DPYS: variants seen among roughly 807,000 people sequenced by gnomAD.
DPYS encodes the protein dihydropyrimidine amidohydrolase.
Under a neutral mutation model 50.3 loss-of-function variants are expected in DPYS, and 39 were observed. The ratio of observed to expected loss-of-function variants is 0.78; its 90% CI spans 0.60 to 1.01. The LOEUF (loss-of-function observed/expected upper bound fraction) is 1.01. DPYS is among the 50% of genes least tolerant of loss of function. The probability of loss-of-function intolerance (pLI) is 0.00; values close to 1 mark genes in which losing one functional copy is unlikely to be tolerated. For missense variants in DPYS, 659 were observed against 680.9 expected, an observed-to-expected ratio of 0.97 and a Z score of 0.36; for synonymous variants, 245 against 250.7, an observed-to-expected ratio of 0.98 and a Z score of 0.22.
chr8:104,452,997 A>C (rs1813804525), intron 1 of DPYS, among the ~76,000 whole-genome samples: 2 of 152,142 alleles, frequency 1.3e-5, no homozygotes, highest in Non-Finnish European at 2.9e-5. Context: ...ATGTTACAAC[A>C]CAGGAGGGGG....
At chr8:104,429,946 A>G (rs1342082489) in intron 4 of DPYS, among the ~76,000 whole-genome samples, 1 of 152,224 alleles carries the variant, frequency 6.6e-6, no homozygotes, top group African/African-American at 2.4e-5. Context: ...TTATGGCCAT[A>G]TAACCTAGAA....
intron 7 of DPYS, among the ~76,000 whole-genome samples, chr8:104,403,314 T>C (rs1811885606): frequency 6.6e-6 from 1 of 152,232 alleles, no homozygotes; most frequent in African/African-American, 2.4e-5. Context: ...TTCCCTTCCA[T>C]GACCCATGGC....
At chr8:104,407,745 A>AAC (rs935458680) in intron 7 of DPYS, among the ~76,000 whole-genome samples, 1 of 152,238 alleles carries the variant, frequency 6.6e-6, no homozygotes, top group Non-Finnish European at 1.5e-5. Context: ...CATTGTTGAA[A>AAC]ATCATTCTTG....
At chr8:104,428,205 T>G in intron 5 of DPYS, 84 bp from the exon 6 acceptor site, 23 of 1,571,460 alleles carry the variant, frequency 1.5e-5, no homozygotes, top group Middle Eastern at 1.7e-4. Flanking sequence ...CCTAATCTCC[T>G]GGCTCCCTTC....
At chr8:104,437,656 A>C (rs1356334684) in intron 4 of DPYS, among the ~76,000 whole-genome samples, 1 of 152,186 alleles carries the variant, frequency 6.6e-6, no homozygotes, top group Non-Finnish European at 1.5e-5. Context: ...ATACCCAATC[A>C]GCAGCCCCTG....
intron 1 of DPYS, among the ~76,000 whole-genome samples, chr8:104,452,991 T>C (rs984471554): frequency 5.3e-5 from 8 of 152,128 alleles, no homozygotes; most frequent in African/African-American, 1.9e-4. Flanking sequence ...GTGGTCATGT[T>C]ACAACACAGG....
intron 7 of DPYS, among the ~76,000 whole-genome samples, chr8:104,412,051 T>C (rs1812199961): frequency 1.3e-5 from 2 of 152,220 alleles, no homozygotes; most frequent in South Asian, 2.1e-4. Flanking sequence ...ATGTGCTCTC[T>C]GGGTTGCACA....
intron 8 of DPYS, among the ~76,000 whole-genome samples, chr8:104,381,569 G>A (rs984156687): frequency 2.0e-5 from 3 of 152,034 alleles, no homozygotes; most frequent in Admixed American, 2.0e-4. Context: ...ATATCCTCAC[G>A]CCCTTCTGAG....
chr8:104,445,505 A>G (rs952024124), intron 3 of DPYS, among the ~76,000 whole-genome samples: 2 of 152,190 alleles, frequency 1.3e-5, no homozygotes, highest in African/African-American at 4.8e-5. Context: ...GCTAAATGAA[A>G]TAAGCCAGAC....
intron 7 of DPYS, among the ~76,000 whole-genome samples, chr8:104,401,687 T>A (rs1208350196): frequency 6.6e-6 from 1 of 152,222 alleles, no homozygotes; most frequent in East Asian, 1.9e-4. Context: ...ATTCTTGATG[T>A]AATCACCATA....
rs570419679 is a variant in DPYS at position 104,437,563 on chromosome 8, C to T, written c.793+6685G>A. ...CTAAAAAAATGAGGAACTCTCAGTTCCAGGAATTCCCTGCCCCTTTCCTGA... is the reference window on the plus strand; with the variant it reads ...CTAAAAAAATGAGGAACTCTCAGTTTCAGGAATTCCCTGCCCCTTTCCTGA... On this transcript the variant is annotated intron_variant, in intron 4 of 9. Transcript: ENST00000351513. Among the ~76,000 whole-genome samples, 21 of 152,270 alleles carry T rather than the reference C, an allele frequency of 1.4e-4. No homozygotes were observed. In the South Asian group the frequency reaches 1.4e-3, roughly 11 times the overall value.
intron 4 of DPYS, among the ~76,000 whole-genome samples, chr8:104,440,438 C>T (rs553943605): frequency 5.9e-5 from 9 of 152,252 alleles, no homozygotes; most frequent in African/African-American, 1.9e-4. Flanking sequence ...GTGGAGGCTG[C>T]ATTCTAGGGA....
chr8:104,465,975 T>C (rs2140793227), intron 1 of DPYS, among the ~76,000 whole-genome samples: 1 of 151,704 alleles, frequency 6.6e-6, no homozygotes, highest in Non-Finnish European at 1.5e-5. Context: ...GCTGCGAGGC[T>C]GCGTTGGTGT....
At position 104,391,333 on chromosome 8, in the gene DPYS, C is replaced by G. The variant is rs894510515; in HGVS notation, c.1443+1451G>C. Among the ~76,000 whole-genome samples the G allele has an allele frequency of 2.0e-5, 3 of 152,244 alleles. No individual in the cohort carries two copies. The South Asian group carries it at 6.2e-4, about 32-fold the overall frequency. ...GAAAAATGGAAAGAAGAGGGAGAAG[C>G]CTTAGAACTAGTCCAAGGGTGGCAA... On this transcript the variant is annotated intron_variant, in intron 8 of 9. Transcript: ENST00000351513.
intron 8 of DPYS, among the ~76,000 whole-genome samples, chr8:104,386,501 C>G (rs567832276): frequency 1.3e-5 from 2 of 148,936 alleles, no homozygotes; most frequent in Non-Finnish European, 3.0e-5. Flanking sequence ...CCACTGCACT[C>G]TAGTCTGGGC....
intron 7 of DPYS, among the ~76,000 whole-genome samples, chr8:104,397,748 C>T (rs1245837265): frequency 6.6e-6 from 1 of 152,096 alleles, no homozygotes; most frequent in Non-Finnish European, 1.5e-5. Flanking sequence ...GAAATAGTGC[C>T]GTTTCACAAC....
intron 7 of DPYS, among the ~76,000 whole-genome samples, chr8:104,397,082 C>T (rs1811617946): frequency 6.6e-6 from 1 of 152,114 alleles, no homozygotes; most frequent in Non-Finnish European, 1.5e-5. Context: ...TGTAATTCTC[C>T]AATCTTAGGA....
rs866774399 is a variant in DPYS at position 104,417,099 on chromosome 8, C to T, written c.1235+7148G>A. ...AAGAATGGTGTATTCAAGGTCAAAG[C>T]CTGCCATAATTGAGTTAAAAAATAA... On this transcript the variant is annotated intron_variant, in intron 7 of 9. Coordinates refer to ENST00000351513, the MANE Select transcript of DPYS (RefSeq NM_001385.3). 3.9e-5 allele frequency among the ~76,000 whole-genome samples: 6 copies of T among 152,154 alleles called. No homozygotes were observed. In the South Asian group the frequency reaches 1.2e-3, roughly 32 times the overall value.
rs370170070 is a variant in DPYS at position 104,424,246 on chromosome 8, C to T, written c.1235+1G>A. 1.2e-6 allele frequency: 2 copies of T among 1,613,990 alleles called. No homozygotes were observed. Among genetic ancestry groups the T allele is most frequent in the Non-Finnish European group, 1.7e-6 (2 of 1,179,998 alleles). On this transcript the variant is annotated splice_donor_variant, in intron 7 of 9. Coordinates refer to ENST00000351513, the MANE Select transcript of DPYS (RefSeq NM_001385.3). LOFTEE classifies it high-confidence loss of function. ...CAAGGAATACAAGAACTTAGACTTACCTTGTGCCTTTTGGGTCCCAAATAA... is the reference window on the plus strand; with the variant it reads ...CAAGGAATACAAGAACTTAGACTTATCTTGTGCCTTTTGGGTCCCAAATAA...
Sources: allele counts gnomAD v4.1 joint callset (sites outside exome capture counted in the v4.1 genomes callset), GRCh38; gene constraint gnomAD v4.1.1; transcripts MANE v1.5; gene names NCBI Gene and HGNC (gene_info 2026-07-23, HGNC 2026-07-21).